The following AJAP1 variants were observed in gnomAD, a reference collection of about 807,000 sequenced individuals.
AJAP1 encodes the protein adherens junction-associated protein 1.
In AJAP1, 5 loss-of-function variants were observed where a neutral mutation model predicts 35.0. The ratio of observed to expected loss-of-function variants is 0.14; its 90% CI spans 0.07 to 0.30. AJAP1 has a LOEUF of 0.30. Ranked by LOEUF, AJAP1 falls within the 10% of genes least tolerant of loss-of-function variation. The pLI, the probability that AJAP1 is intolerant of heterozygous loss-of-function variation, is 1.00. For missense variants in AJAP1, 586 were observed against 571.0 expected (o/e 1.03, Z -0.27); for synonymous variants, 284 against 249.3 (o/e 1.14, Z -1.31).
intron 1 of AJAP1, among the ~76,000 whole-genome samples, chr1:4,700,514 T>C (rs79317565): frequency 0.022 from 3,302 of 152,288 alleles, 90 homozygotes; most frequent in South Asian, 0.12. Flanking sequence ...CCCAGAGCTC[T>C]TCTGAGCCAC....
At chr1:4,744,451 G>C (rs1024444204) in intron 2 of AJAP1, among the ~76,000 whole-genome samples, 2 of 152,128 alleles carry the variant, frequency 1.3e-5, no homozygotes, top group Non-Finnish European at 2.9e-5. Context: ...GAGAGGCCTC[G>C]GGGGAGGATG....
intron 1 of AJAP1, among the ~76,000 whole-genome samples, chr1:4,669,662 T>C (rs1171434991): frequency 6.6e-6 from 1 of 152,218 alleles, no homozygotes; most frequent in Non-Finnish European, 1.5e-5. Context: ...AACCACATCA[T>C]ACAATATGTA....
At chr1:4,679,274 C>T (rs965077054) in intron 1 of AJAP1, among the ~76,000 whole-genome samples, 1 of 152,192 alleles carries the variant, frequency 6.6e-6, no homozygotes, top group African/African-American at 2.4e-5. Context: ...TCCTGCTTGT[C>T]TCCTCTCCTG....
At chr1:4,766,044 C>A (rs2802716) in intron 2 of AJAP1, among the ~76,000 whole-genome samples, 47,848 of 152,172 alleles carry the variant, frequency 0.31, 7,972 homozygotes, top group Middle Eastern at 0.5. Context: ...TCATCCAAAA[C>A]TAAGAATATG....
chr1:4,742,831 A>T (rs1171648287), intron 2 of AJAP1, among the ~76,000 whole-genome samples: 1 of 152,164 alleles, frequency 6.6e-6, no homozygotes, highest in African/African-American at 2.4e-5. Context: ...CCTGATACTG[A>T]TTCAGAGGTT....
chr1:4,772,382 G>A lies in AJAP1; in HGVS notation c.1020G>A (p.Val340=), dbSNP rs1476978367. 1 of 1,614,254 alleles carries A rather than the reference G, an allele frequency of 6.2e-7. No homozygotes were observed. The highest frequency in any genetic ancestry group is 1.1e-5 in the South Asian group (1 of 91,090). The change falls in exon 4 of 6, where the codon GTG becomes GTA. Residue 340 remains valine, a synonymous_variant. Coordinates refer to ENST00000378191, the MANE Select transcript of AJAP1 (RefSeq NM_018836.4). ...TCACGGACTTCCCCTCGGCCCGGGT[G>A]CCCAGCAGCCTGGACATATTCACGG... The part of the protein sequence containing the change: ...QNLTDFPSAR[V]PSSLDIFTAY...
chr1:4,751,056 T>C (rs977144413), intron 2 of AJAP1, among the ~76,000 whole-genome samples: 2 of 151,830 alleles, frequency 1.3e-5, no homozygotes, highest in African/African-American at 4.8e-5. Context: ...ACGGGAACCA[T>C]CTGCATGGCC....
chr1:4,716,984 C>T (rs758112470), intron 2 of AJAP1, among the ~76,000 whole-genome samples: 3 of 152,160 alleles, frequency 2.0e-5, no homozygotes, highest in Non-Finnish European at 4.4e-5. Flanking sequence ...GAGCTCCAGC[C>T]TCACGTGAGC....
At position 4,787,932 on chromosome 1, in the gene AJAP1, T is replaced by C. The variant is rs1162078097; in HGVS notation, c.*5447T>C. 3.0e-6 allele frequency: 1 copy of C among 333,730 alleles called. No individual in the cohort carries two copies. Among genetic ancestry groups the C allele is most frequent in the Non-Finnish European group, 6.0e-6 (1 of 165,942 alleles). The allele number at this position is 333,730 out of a possible 1,614,324, so 20.7% of individuals were successfully genotyped here. On this transcript the variant is annotated 3_prime_UTR_variant, in exon 6 of 6. Transcript: ENST00000378191. ...TAAGCAGCTATTCCAAAACATGCCG[T>C]GATTCATGTAATTTTTGAGTGGTTA...
rs1173562165 is a variant in AJAP1, at chr1:4,787,517, C to T, written c.*5032C>T. ...AGCTCTTGGATAAAATGCAGTGCAGCACTGAAGATAAGACATCGCAGTTGT... is the reference window on the plus strand; with the variant it reads ...AGCTCTTGGATAAAATGCAGTGCAGTACTGAAGATAAGACATCGCAGTTGT... On this transcript the variant is annotated 3_prime_UTR_variant, in exon 6 of 6. Transcript: ENST00000378191. 3 of 369,132 alleles carry T rather than the reference C, an allele frequency of 8.1e-6. No individual in the cohort carries two copies. Among genetic ancestry groups the T allele is most frequent in the African/African-American group, 6.3e-5 (3 of 47,390 alleles). 22.9% of individuals were successfully genotyped at this position (369,132 alleles called of 1,614,324 possible).
At chr1:4,696,968 CTGTA>C (rs887281433) in intron 1 of AJAP1, among the ~76,000 whole-genome samples, 12 of 152,108 alleles carry the variant, frequency 7.9e-5, no homozygotes, top group South Asian at 2.1e-4. Flanking sequence ...ATGTGTGTCT[CTGTA>C]TGTGCACATG....
chr1:4,682,907 CTGATGGTGA>C (rs1399090652), intron 1 of AJAP1, among the ~76,000 whole-genome samples: 2 of 151,802 alleles, frequency 1.3e-5, no homozygotes, highest in African/African-American at 4.8e-5. Context: ...GGTGATGATG[CTGATGGTGA>C]TGATGGTGAT....
At chr1:4,730,277 T>C (rs568615394) in intron 2 of AJAP1, among the ~76,000 whole-genome samples, 40 of 152,286 alleles carry the variant, frequency 2.6e-4, no homozygotes, top group Admixed American at 1.2e-3. Context: ...AGGTGTCTTG[T>C]AAACTTAGAT....
At chr1:4,736,569 T>C (rs946436163) in intron 2 of AJAP1, among the ~76,000 whole-genome samples, 1 of 152,146 alleles carries the variant, frequency 6.6e-6, no homozygotes, top group Admixed American at 6.6e-5. Flanking sequence ...AACTGCAAAA[T>C]AGGATTAAAA....
At chr1:4,689,870 C>T (rs1258247282) in intron 1 of AJAP1, among the ~76,000 whole-genome samples, 3 of 152,182 alleles carry the variant, frequency 2.0e-5, no homozygotes, top group African/African-American at 7.2e-5. Flanking sequence ...GGGATGAGAG[C>T]CTGGAGGGGC....
intron 1 of AJAP1, among the ~76,000 whole-genome samples, chr1:4,678,979 G>A (rs11809397): frequency 1.3e-5 from 2 of 152,200 alleles, no homozygotes; most frequent in African/African-American, 4.8e-5. Context: ...GAGATGTTCA[G>A]TAACTTGCAC....
intron 2 of AJAP1, among the ~76,000 whole-genome samples, chr1:4,729,001 G>A (rs1002040473): frequency 1.3e-5 from 2 of 152,176 alleles, no homozygotes; most frequent in African/African-American, 4.8e-5. Context: ...TGCAGACCCC[G>A]AGGACGCTGC....
intron 2 of AJAP1, among the ~76,000 whole-genome samples, chr1:4,763,193 C>T (rs1641610817): frequency 6.6e-6 from 1 of 152,230 alleles, no homozygotes; most frequent in African/African-American, 2.4e-5. Flanking sequence ...CCACCCACAG[C>T]TGTGACCACC....
chr1:4,747,060 G>A (rs2100325946), intron 2 of AJAP1, among the ~76,000 whole-genome samples: 1 of 152,352 alleles, frequency 6.6e-6, no homozygotes, highest in East Asian at 1.9e-4. Flanking sequence ...CACTGTCCCA[G>A]CCTCCATGTT....
Sources: allele counts gnomAD v4.1 joint callset (sites outside exome capture counted in the v4.1 genomes callset), GRCh38; gene constraint gnomAD v4.1.1; transcripts MANE v1.5; gene names NCBI Gene and HGNC (gene_info 2026-07-23, HGNC 2026-07-21).